MBP: variants seen among roughly 807,000 people sequenced by gnomAD.
The protein encoded by MBP is Golli-MBP.
MBP carries 16 observed loss-of-function variants against 35.8 expected under a neutral mutation model. That is an observed-to-expected ratio of 0.45 (90% CI 0.30 to 0.68). The LOEUF is 0.68. Among genes scored for constraint, MBP ranks in the 30% least tolerant of loss-of-function variants. The probability of loss-of-function intolerance (pLI) is 0.08; values close to 1 mark genes in which losing one functional copy is unlikely to be tolerated. For missense variants in MBP, 380 were observed against 404.7 expected (o/e 0.94, Z 0.52); for synonymous variants, 143 against 159.6 (o/e 0.90, Z 0.78).
chr18:77,080,036 C>T (rs1416101147), intron 2 of MBP, among the ~76,000 whole-genome samples: 1 of 152,140 alleles, frequency 6.6e-6, no homozygotes, highest in Non-Finnish European at 1.5e-5. Flanking sequence ...TGGTGATAAA[C>T]TGTATTTGAA....
chr18:76,983,833 G>A (rs1371121747), intron 8 of MBP: 1 of 152,322 alleles, frequency 6.6e-6, no homozygotes, highest in Non-Finnish European at 1.5e-5. Flanking sequence ...CTGCTGGGCA[G>A]AGCACACCAC....
chr18:77,071,880 A>G (rs564316314), intron 2 of MBP, among the ~76,000 whole-genome samples: 1 of 152,084 alleles, frequency 6.6e-6, no homozygotes, highest in South Asian at 2.1e-4. Flanking sequence ...TGGCGTAGGA[A>G]GTGCACCGTG....
chr18:77,090,614 G>A (rs1975471200), intron 2 of MBP, among the ~76,000 whole-genome samples: 1 of 152,304 alleles, frequency 6.6e-6, no homozygotes, highest in South Asian at 2.1e-4. Context: ...CCGGGTGTCT[G>A]ATGGCCCCAT....
At chr18:77,067,531 C>G (rs1974247877) in intron 2 of MBP, among the ~76,000 whole-genome samples, 1 of 152,214 alleles carries the variant, frequency 6.6e-6, no homozygotes, top group Non-Finnish European at 1.5e-5. Flanking sequence ...CCGTGTTGCA[C>G]TAATTTCCTG....
intron 3 of MBP, among the ~76,000 whole-genome samples, chr18:77,029,079 TAGCG>T (rs1568301788): frequency 1.0e-5 from 1 of 100,252 alleles, no homozygotes; most frequent in African/African-American, 2.8e-5. Context: ...GTGGAGGTTG[TAGCG>T]AGCCGAGATC....
At chr18:77,047,254 C>T (rs936664957) in intron 3 of MBP, among the ~76,000 whole-genome samples, 2 of 152,176 alleles carry the variant, frequency 1.3e-5, no homozygotes, top group African/African-American at 4.8e-5. Flanking sequence ...TGAGCTGATG[C>T]GTGGATGAAC....
At chr18:76,997,914 C>T (rs1299987453) in intron 4 of MBP, among the ~76,000 whole-genome samples, 1 of 141,374 alleles carries the variant, frequency 7.1e-6, no homozygotes, top group Non-Finnish European at 1.6e-5. Context: ...GATCTCCTGA[C>T]CTCGTGATCC....
intron 2 of MBP, among the ~76,000 whole-genome samples, chr18:77,069,480 ATT>A (rs1466425670): frequency 6.6e-6 from 1 of 152,140 alleles, no homozygotes; most frequent in East Asian, 1.9e-4. Context: ...TCATAGATGC[ATT>A]TTCTTCATGC....
intron 3 of MBP, among the ~76,000 whole-genome samples, chr18:77,037,752 C>T (rs1372992710): frequency 6.6e-6 from 1 of 152,122 alleles, no homozygotes; most frequent in Non-Finnish European, 1.5e-5. Context: ...TCTGTGCAGC[C>T]GAGGCGCCTG....
At position 76,978,887 on chromosome 18, in the gene MBP, C is replaced by G. The variant is rs1235631091; in HGVS notation, c.*1540G>C. The G allele has an allele frequency of 2.0e-5, 3 of 152,190 alleles. No homozygotes were observed. The East Asian group carries it at 5.8e-4, about 29-fold the overall frequency. The allele number at this position is 152,190 out of a possible 1,614,324, so 9.4% of individuals were successfully genotyped here. ...ATATTCAGGAACAGTGTACACTTTCCGTTCAGCCATCGTCACAGCACGTGC... is the reference window on the plus strand; with the variant it reads ...ATATTCAGGAACAGTGTACACTTTCGGTTCAGCCATCGTCACAGCACGTGC... On this transcript the variant is annotated 3_prime_UTR_variant, in exon 9 of 9. Transcript: ENST00000355994.
chr18:77,032,721 G>T (rs1223539621), intron 3 of MBP, among the ~76,000 whole-genome samples: 1 of 152,232 alleles, frequency 6.6e-6, no homozygotes, highest in African/African-American at 2.4e-5. Context: ...CGGTTAGGTT[G>T]TGCAGCCTTT....
intron 3 of MBP, among the ~76,000 whole-genome samples, chr18:77,047,956 A>C (rs1448330120): frequency 6.6e-6 from 1 of 152,262 alleles, no homozygotes; most frequent in African/African-American, 2.4e-5. Flanking sequence ...AGTACCACTA[A>C]GACCAATTCA....
At chr18:77,096,796 T>A (rs890687369) in intron 2 of MBP, among the ~76,000 whole-genome samples, 1 of 146,730 alleles carries the variant, frequency 6.8e-6, no homozygotes, top group African/African-American at 2.6e-5. Context: ...CAAATGTAAG[T>A]GTGAAGATAA....
At chr18:77,028,852 G>GTA (rs2123584182) in intron 3 of MBP, among the ~76,000 whole-genome samples, 1 of 94,690 alleles carries the variant, frequency 1.1e-5, no homozygotes, top group African/African-American at 3.9e-5. Flanking sequence ...CTTCCCAGAT[G>GTA]TGATGGCGGC....
intron 1 of MBP, among the ~76,000 whole-genome samples, chr18:77,125,411 T>G (rs944206657): frequency 6.6e-6 from 1 of 152,208 alleles, no homozygotes; most frequent in East Asian, 1.9e-4. Context: ...ATTCTGTTAT[T>G]TGTATAAAAT....
chr18:77,019,331 T>C (rs1971889559), intron 3 of MBP, among the ~76,000 whole-genome samples: 1 of 152,228 alleles, frequency 6.6e-6, no homozygotes, highest in African/African-American at 2.4e-5. Flanking sequence ...GAGGTCATTC[T>C]GCAGTAGGGT....
At chr18:77,017,545 GCAGAGCAGC>G in intron 3 of MBP, 3 of 318,138 alleles carry the variant, frequency 9.4e-6, no homozygotes, top group Non-Finnish European at 1.7e-5. Context: ...ATCTGAGCAT[GCAGAGCAGC>G]CACATCAGCG....
intron 2 of MBP, among the ~76,000 whole-genome samples, chr18:77,089,657 G>A (rs548927358): frequency 5.3e-5 from 8 of 152,330 alleles, no homozygotes; most frequent in Admixed American, 3.3e-4. Context: ...GTGGCAGTTC[G>A]TGGGAGTAGC....
At chr18:77,108,617 A>G (rs1346931191) in intron 1 of MBP, 2 of 152,224 alleles carry the variant, frequency 1.3e-5, no homozygotes, top group African/African-American at 4.8e-5. Context: ...TCGAGGGTTA[A>G]CATTGGGCAC....
Sources: allele counts gnomAD v4.1 joint callset (sites outside exome capture counted in the v4.1 genomes callset), GRCh38; gene constraint gnomAD v4.1.1; transcripts MANE v1.5; gene names NCBI Gene and HGNC (gene_info 2026-07-23, HGNC 2026-07-21).